KALRN: variants seen among roughly 807,000 people sequenced by gnomAD.
The protein encoded by KALRN is kalirin.
KALRN carries 70 observed loss-of-function variants against 353.7 expected under a neutral mutation model. The observed-to-expected ratio is 0.20, with a 90% confidence interval of 0.16 to 0.24. The LOEUF is 0.24. Ranked by LOEUF, KALRN falls within the 10% of genes least tolerant of loss-of-function variation. The pLI, the probability that KALRN is intolerant of heterozygous loss-of-function variation, is 1.00. For synonymous variants in KALRN, 1,391 were observed against 1,434.8 expected, an observed-to-expected ratio of 0.97 and a Z score of 0.69; for missense variants, 2,791 against 3,756.7, an observed-to-expected ratio of 0.74 and a Z score of 6.72.
At chr3:124,622,741 T>C (rs925735803) in intron 34 of KALRN, among the ~76,000 whole-genome samples, 2 of 152,176 alleles carry the variant, frequency 1.3e-5, no homozygotes, top group African/African-American at 2.4e-5. Context: ...CCAAATCGCC[T>C]TGGGGTCAGT....
intron 34 of KALRN, among the ~76,000 whole-genome samples, chr3:124,599,525 C>A (rs2076595057): frequency 1.3e-5 from 2 of 152,196 alleles, no homozygotes; most frequent in Non-Finnish European, 2.9e-5. Flanking sequence ...GCATTGCCAT[C>A]CACAGCTGCT....
intron 25 of KALRN, among the ~76,000 whole-genome samples, chr3:124,471,670 G>A (rs1343305851): frequency 1.3e-5 from 2 of 152,090 alleles, no homozygotes; most frequent in African/African-American, 4.8e-5. Context: ...GGGGTAGGCA[G>A]ATGGGTGAGC....
At position 124,631,038 on chromosome 3, in the gene KALRN, G is replaced by A. The variant is rs552471921; in HGVS notation, c.5183-1382G>A. Among the ~76,000 whole-genome samples the A allele has an allele frequency of 2.6e-5, 4 of 152,080 alleles. No homozygotes were observed. The South Asian group carries it at 8.3e-4, about 32-fold the overall frequency. ...GCTCAGTTTTAAGACTTAATTCTTA[G>A]GTCAACTCTCCTGACCTATCAGGCA... On this transcript the variant is annotated intron_variant, in intron 34 of 59. Transcript: ENST00000682506.
intron 11 of KALRN, among the ~76,000 whole-genome samples, chr3:124,385,705 A>G (rs560010840): frequency 5.5e-4 from 83 of 152,248 alleles, no homozygotes; most frequent in African/African-American, 1.9e-3. Flanking sequence ...GGAAGGATAG[A>G]TTATGTTAAG....
chr3:124,325,934 A>T (rs535768793), intron 6 of KALRN, 46 bp from the exon 7 acceptor site: 1 of 1,525,728 alleles, frequency 6.6e-7, no homozygotes, highest in African/African-American at 1.4e-5. Context: ...TGCTCAGTGG[A>T]TGTCTTTTGA....
chr3:124,211,656 T>C (rs2076908031), intron 1 of KALRN, among the ~76,000 whole-genome samples: 1 of 152,166 alleles, frequency 6.6e-6, no homozygotes, highest in Admixed American at 6.5e-5. Flanking sequence ...TGTCTCATTG[T>C]GCTTTATATT....
At chr3:124,103,334 G>A (rs2062026809) in intron 1 of KALRN, among the ~76,000 whole-genome samples, 1 of 152,164 alleles carries the variant, frequency 6.6e-6, no homozygotes, top group Admixed American at 6.5e-5. Context: ...AGCAGCACTT[G>A]CCCAGATATG....
At chr3:124,583,019 C>T (rs1440344770) in intron 34 of KALRN, among the ~76,000 whole-genome samples, 1 of 152,144 alleles carries the variant, frequency 6.6e-6, no homozygotes, top group East Asian at 1.9e-4. Flanking sequence ...AACTCCTGGG[C>T]TCAAGTGATC....
intron 15 of KALRN, among the ~76,000 whole-genome samples, chr3:124,423,933 TTACC>T: frequency 1.3e-5 from 2 of 152,340 alleles, no homozygotes; most frequent in Non-Finnish European, 2.9e-5. Context: ...ATTGTTTTAA[TTACC>T]TATTTGTACA....
chr3:124,443,543 A>G (rs1257457730), intron 19 of KALRN, among the ~76,000 whole-genome samples: 6 of 152,166 alleles, frequency 3.9e-5, no homozygotes, highest in Non-Finnish European at 5.9e-5. Context: ...TGGTCAGGGG[A>G]CCTGTGGGGA....
intron 1 of KALRN, among the ~76,000 whole-genome samples, chr3:124,168,609 C>T (rs1051984848): frequency 6.6e-6 from 1 of 152,162 alleles, no homozygotes; most frequent in African/African-American, 2.4e-5. Flanking sequence ...ACTTTCTTTC[C>T]CAAATGAAGC....
At chr3:124,342,452 C>G (rs2081855052) in intron 9 of KALRN, among the ~76,000 whole-genome samples, 1 of 152,136 alleles carries the variant, frequency 6.6e-6, no homozygotes, top group South Asian at 2.1e-4. Context: ...AAGATCATGG[C>G]CTCCAGTTCC....
intron 51 of KALRN, among the ~76,000 whole-genome samples, chr3:124,684,771 C>G (rs1340290018): frequency 6.6e-6 from 1 of 152,172 alleles, no homozygotes. Flanking sequence ...GGGGGTGTGG[C>G]GGGAATGGCC....
chr3:124,502,380 G>A (rs984046654), intron 33 of KALRN, among the ~76,000 whole-genome samples: 17 of 152,166 alleles, frequency 1.1e-4, no homozygotes, highest in African/African-American at 3.1e-4. Flanking sequence ...GGGGCCAGCC[G>A]TTTGTGTCGG....
intron 1 of KALRN, among the ~76,000 whole-genome samples, chr3:124,111,854 CAAACTT>C (rs928450563): frequency 6.6e-6 from 1 of 152,056 alleles, no homozygotes; most frequent in Non-Finnish European, 1.5e-5. Context: ...ATTCACTCCC[CAAACTT>C]AATCATATTA....
chr3:124,461,757 G>A (rs143383675), intron 23 of KALRN, 133 bp from the exon 24 acceptor site: 1 of 654,162 alleles, frequency 1.5e-6, no homozygotes, highest in African/African-American at 1.8e-5. Context: ...TTGAAGAAAG[G>A]AAAAGACCTG....
intron 5 of KALRN, among the ~76,000 whole-genome samples, chr3:124,273,364 G>C (rs2074366161): frequency 6.6e-6 from 1 of 152,198 alleles, no homozygotes; most frequent in Non-Finnish European, 1.5e-5. Flanking sequence ...CCACCAAAAG[G>C]GTGGGTAGGC....
intron 5 of KALRN, among the ~76,000 whole-genome samples, chr3:124,294,971 G>A (rs1464901282): frequency 1.3e-5 from 2 of 152,198 alleles, no homozygotes; most frequent in African/African-American, 4.8e-5. Context: ...TAGTGACAGA[G>A]CTGGGCCTGG....
intron 34 of KALRN, among the ~76,000 whole-genome samples, chr3:124,595,283 C>T (rs2076170666): frequency 6.6e-6 from 1 of 151,886 alleles, no homozygotes; most frequent in South Asian, 2.1e-4. Context: ...GAATGTATTC[C>T]ATGGTATACT....
Sources: allele counts gnomAD v4.1 joint callset (sites outside exome capture counted in the v4.1 genomes callset), GRCh38; gene constraint gnomAD v4.1.1; transcripts MANE v1.5; gene names NCBI Gene and HGNC (gene_info 2026-07-23, HGNC 2026-07-21).